The following CA10 variants were observed in gnomAD, a reference collection of about 807,000 sequenced individuals.
CA10 encodes the protein carbonic anhydrase 10 (inactive).
Under a neutral mutation model 44.2 loss-of-function variants are expected in CA10, and 14 were observed. The ratio of observed to expected loss-of-function variants is 0.32; its 90% CI spans 0.21 to 0.50. The LOEUF (loss-of-function observed/expected upper bound fraction) is 0.50. CA10 is among the 20% of genes least tolerant of loss of function. The probability of loss-of-function intolerance (pLI) is 0.99; values close to 1 mark genes in which losing one functional copy is unlikely to be tolerated. For missense variants in CA10, 350 were observed against 409.7 expected, an observed-to-expected ratio of 0.85 and a Z score of 1.26; for synonymous variants, 159 against 141.6, an observed-to-expected ratio of 1.12 and a Z score of -0.87.
intron 1 of CA10, among the ~76,000 whole-genome samples, chr17:52,123,801 A>G (rs1016725708): frequency 2.0e-5 from 3 of 152,172 alleles, no homozygotes; most frequent in Non-Finnish European, 4.4e-5. Flanking sequence ...ATGAATGAGG[A>G]GTTCCTTCTT....
At chr17:51,772,692 G>A (rs904345733) in intron 3 of CA10, among the ~76,000 whole-genome samples, 4 of 151,726 alleles carry the variant, frequency 2.6e-5, no homozygotes, top group African/African-American at 9.7e-5. Context: ...AACTAGGCCA[G>A]CTAACACAGT....
chr17:51,854,048 G>A (rs953215795), intron 3 of CA10, among the ~76,000 whole-genome samples: 1 of 152,152 alleles, frequency 6.6e-6, no homozygotes, highest in Non-Finnish European at 1.5e-5. Flanking sequence ...CTCTGCACCT[G>A]CTCTCAGATA....
intron 4 of CA10, among the ~76,000 whole-genome samples, chr17:51,704,218 A>G (rs989239520): frequency 6.6e-5 from 10 of 152,140 alleles, no homozygotes; most frequent in East Asian, 1.9e-4. Flanking sequence ...TCTTCCGGCC[A>G]TTTATTTATC....
intron 3 of CA10, among the ~76,000 whole-genome samples, chr17:51,786,183 T>C (rs919226266): frequency 6.6e-6 from 1 of 151,436 alleles, no homozygotes; most frequent in African/African-American, 2.4e-5. Flanking sequence ...ACTTTACTGA[T>C]TTTTTAATGC....
At chr17:52,084,224 G>A (rs1988057471) in intron 1 of CA10, among the ~76,000 whole-genome samples, 2 of 152,124 alleles carry the variant, frequency 1.3e-5, no homozygotes, top group Non-Finnish European at 1.5e-5. Flanking sequence ...TAGAAAAGTA[G>A]GCAAAATGAC....
intron 1 of CA10, among the ~76,000 whole-genome samples, chr17:52,120,456 C>T: frequency 6.6e-6 from 1 of 152,008 alleles, no homozygotes; most frequent in Admixed American, 6.5e-5. Flanking sequence ...TTATCCTTAT[C>T]CTTATCCTTA....
chr17:51,729,347 G>A (rs554611692), intron 4 of CA10, among the ~76,000 whole-genome samples: 17 of 151,874 alleles, frequency 1.1e-4, no homozygotes, highest in African/African-American at 1.7e-4. Flanking sequence ...TTTTGTGTGT[G>A]TGTGTGTATC....
chr17:51,858,092 A>G (rs906123473), intron 3 of CA10, among the ~76,000 whole-genome samples: 1 of 152,182 alleles, frequency 6.6e-6, no homozygotes, highest in Non-Finnish European at 1.5e-5. Context: ...AAGGAGAGAA[A>G]TGACTCATTA....
intron 2 of CA10, among the ~76,000 whole-genome samples, chr17:52,021,333 G>T (rs1055794959): frequency 1.3e-5 from 2 of 151,992 alleles, no homozygotes; most frequent in African/African-American, 2.4e-5. Context: ...CCCAGCAATG[G>T]GATTGCTTGG....
At position 51,831,733 on chromosome 17, in the gene CA10, A is replaced by AGC. The variant is rs1567854687; in HGVS notation, c.280-83916_280-83915insGC. Among the ~76,000 whole-genome samples the AGC allele has an allele frequency of 2.0e-3, 238 of 121,560 alleles. 20 individuals are homozygous for AGC. Among genetic ancestry groups the AGC allele is most frequent in the Middle Eastern group, 4.2e-3 (1 of 238 alleles). 79.7% of individuals were successfully genotyped at this position (121,560 alleles called of 152,430 possible). A position where few individuals can be genotyped will look rare whatever the true frequency, so the allele number is the denominator to read the frequency against. On this transcript the variant is annotated intron_variant, in intron 3 of 8. Transcript: ENST00000451037. Reference sequence around the variant, plus strand: ...GCAGCAGCAGCAGCAGCAGCAGCAGAAAAAGACCTTCCTTCCACCTTATTT... The same window carrying AGC: ...GCAGCAGCAGCAGCAGCAGCAGCAGAGCAAAAGACCTTCCTTCCACCTTATTT...
intron 4 of CA10, among the ~76,000 whole-genome samples, chr17:51,708,960 C>A (rs1915845619): frequency 1.3e-5 from 2 of 152,174 alleles, no homozygotes; most frequent in South Asian, 4.1e-4. Context: ...ACTGGCTTCC[C>A]TGCTCCTCAG....
chr17:51,660,718 T>A (rs1470367546), intron 4 of CA10, among the ~76,000 whole-genome samples: 2 of 152,152 alleles, frequency 1.3e-5, no homozygotes, highest in Non-Finnish European at 2.9e-5. Flanking sequence ...GCGTTCACAG[T>A]GACAATGCTA....
chr17:51,900,410 G>C (rs539060858), intron 3 of CA10, among the ~76,000 whole-genome samples: 1 of 152,052 alleles, frequency 6.6e-6, no homozygotes, highest in Non-Finnish European at 1.5e-5. Flanking sequence ...TAGCCTGATG[G>C]GGTTCTCTTT....
intron 4 of CA10, among the ~76,000 whole-genome samples, chr17:51,654,263 C>T (rs1344773722): frequency 2.0e-5 from 3 of 152,226 alleles, no homozygotes; most frequent in Non-Finnish European, 2.9e-5. Context: ...CAGCCTGTCC[C>T]GGTCATCTGG....
intron 4 of CA10, among the ~76,000 whole-genome samples, chr17:51,711,174 G>A (rs1767152478): frequency 6.6e-6 from 1 of 152,132 alleles, no homozygotes. Flanking sequence ...CAAAGGCTCT[G>A]TGAAAATGAT....
intron 4 of CA10, among the ~76,000 whole-genome samples, chr17:51,692,366 C>CTAT (rs1419594837): frequency 2.8e-5 from 4 of 141,174 alleles, no homozygotes; most frequent in African/African-American, 1.0e-4. Context: ...ACCTATCCAT[C>CTAT]CTATCTATCT....
chr17:52,110,872 G>A (rs1482608075), intron 1 of CA10, among the ~76,000 whole-genome samples: 1 of 152,134 alleles, frequency 6.6e-6, no homozygotes, highest in African/African-American at 2.4e-5. Flanking sequence ...GAATAGGGCA[G>A]TTGTGAGCTG....
chr17:51,890,633 G>A (rs776991444), intron 3 of CA10, among the ~76,000 whole-genome samples: 2 of 152,184 alleles, frequency 1.3e-5, no homozygotes, highest in Non-Finnish European at 2.9e-5. Flanking sequence ...AATAAAAAAT[G>A]AGTGAACAGT....
rs556191665 is a variant in CA10, at chr17:51,951,977, C to T, written c.137-20845G>A. The stretch of plus-strand genomic sequence containing the variant: ...ATAGTGGCATGAGTAAGAGTTTTCT[C>T]GTGTGGTTTTGAGTTTCTTGAGCTG... On this transcript the variant is annotated intron_variant, in intron 2 of 8. Coordinates refer to ENST00000451037, the MANE Select transcript of CA10 (RefSeq NM_020178.5). 2.3e-4 allele frequency among the ~76,000 whole-genome samples: 35 copies of T among 152,212 alleles called. No individual in the cohort carries two copies. The South Asian group carries it at 4.1e-3, about 18-fold the overall frequency.
Sources: allele counts gnomAD v4.1 joint callset (sites outside exome capture counted in the v4.1 genomes callset), GRCh38; gene constraint gnomAD v4.1.1; transcripts MANE v1.5; gene names NCBI Gene and HGNC (gene_info 2026-07-23, HGNC 2026-07-21).